The following ERBB4 variants were observed in gnomAD, a reference collection of about 807,000 sequenced individuals.
ERBB4 encodes the protein receptor tyrosine-protein kinase erbB-4.
ERBB4 carries 42 observed loss-of-function variants against 158.0 expected under a neutral mutation model. That is an observed-to-expected ratio of 0.27 (90% confidence interval 0.21 to 0.34). The LOEUF is 0.34. Among genes scored for constraint, ERBB4 ranks in the 10% least tolerant of loss-of-function variants. The probability of loss-of-function intolerance (pLI) is 1.00; values close to 1 mark genes in which losing one functional copy is unlikely to be tolerated. For missense variants in ERBB4, 1,333 were observed against 1,624.1 expected (o/e 0.82, Z 3.08); for synonymous variants, 583 against 558.7 (o/e 1.04, Z -0.61).
intron 2 of ERBB4, among the ~76,000 whole-genome samples, chr2:211,968,150 A>C (rs1270918959): frequency 1.3e-5 from 2 of 152,034 alleles, no homozygotes; most frequent in East Asian, 3.9e-4. Context: ...TTTTCCCTTC[A>C]AACTGAACAT....
At chr2:212,430,449 T>C (rs930311787) in intron 1 of ERBB4, among the ~76,000 whole-genome samples, 1 of 151,922 alleles carries the variant, frequency 6.6e-6, no homozygotes, top group Non-Finnish European at 1.5e-5. Context: ...TTTTTTTTTT[T>C]CTTTTCTTTT....
At chr2:211,561,737 C>G in intron 20 of ERBB4, 166 bp downstream of exon 20, 1 of 670,672 alleles carries the variant, frequency 1.5e-6, no homozygotes, top group South Asian at 1.7e-5. Flanking sequence ...CGCATTTAAT[C>G]TGTAGTTTAC....
intron 2 of ERBB4, among the ~76,000 whole-genome samples, chr2:212,106,334 G>T (rs983125347): frequency 6.6e-6 from 1 of 152,184 alleles, no homozygotes; most frequent in South Asian, 2.1e-4. Flanking sequence ...GGTAACTCTT[G>T]TTATGTTTTA....
At chr2:212,141,892 G>C (rs759001917) in intron 1 of ERBB4, among the ~76,000 whole-genome samples, 82 of 152,100 alleles carry the variant, frequency 5.4e-4, no homozygotes, top group African/African-American at 1.9e-3. Context: ...CTATAAATCA[G>C]ATCACTAATC....
intron 12 of ERBB4, among the ~76,000 whole-genome samples, chr2:211,683,944 T>C (rs2072458963): frequency 6.6e-6 from 1 of 152,140 alleles, no homozygotes; most frequent in African/African-American, 2.4e-5. Context: ...AAATGGCTAA[T>C]AATGTCAAAC....
At chr2:211,613,078 T>G (rs2125835833) in intron 19 of ERBB4, among the ~76,000 whole-genome samples, 1 of 152,058 alleles carries the variant, frequency 6.6e-6, no homozygotes, top group East Asian at 1.9e-4. Context: ...CATGTGGCAA[T>G]ATTAAGGATG....
At chr2:212,186,397 A>G (rs2082017855) in intron 1 of ERBB4, among the ~76,000 whole-genome samples, 1 of 152,224 alleles carries the variant, frequency 6.6e-6, no homozygotes, top group Non-Finnish European at 1.5e-5. Context: ...TCTCAGTTAA[A>G]TCAGTCTAAC....
intron 5 of ERBB4, among the ~76,000 whole-genome samples, chr2:211,732,738 C>G (rs533668784): frequency 6.6e-5 from 10 of 152,144 alleles, no homozygotes; most frequent in Non-Finnish European, 1.3e-4. Context: ...GCAGGCAAAT[C>G]ACGAGGTCAC....
intron 7 of ERBB4, among the ~76,000 whole-genome samples, chr2:211,720,861 T>C (rs1223304674): frequency 6.6e-6 from 1 of 152,238 alleles, no homozygotes; most frequent in Non-Finnish European, 1.5e-5. Flanking sequence ...CTTGACTTTC[T>C]AAGCTACACA....
At position 211,946,738 on chromosome 2, in the gene ERBB4, C is replaced by T. The variant is rs141183754; in HGVS notation, c.421+692G>A. Reference sequence around the variant, plus strand: ...ATTCATTATACCAAAAAGCCTCCCACAGAACTTTCATGCACCCTGAGCTAT... The same window carrying T: ...ATTCATTATACCAAAAAGCCTCCCATAGAACTTTCATGCACCCTGAGCTAT... On this transcript the variant is annotated intron_variant, in intron 3 of 27. Transcript: ENST00000342788. Among the ~76,000 whole-genome samples, 1,370 of 151,836 alleles carry T rather than the reference C, an allele frequency of 9.0e-3. 6 individuals carry two copies. Among genetic ancestry groups the T allele is most frequent in the Middle Eastern group, 0.031 (9 of 294 alleles).
chr2:211,473,851 T>C (rs553753855), intron 20 of ERBB4, among the ~76,000 whole-genome samples: 3 of 152,154 alleles, frequency 2.0e-5, no homozygotes, highest in South Asian at 2.1e-4. Context: ...TAAGATGGTA[T>C]ATAAATACCA....
intron 2 of ERBB4, among the ~76,000 whole-genome samples, chr2:212,021,278 C>A (rs1329656472): frequency 6.6e-6 from 1 of 152,048 alleles, no homozygotes; most frequent in Non-Finnish European, 1.5e-5. Flanking sequence ...ATTCCAATGG[C>A]ACTCAAAAGT....
intron 1 of ERBB4, among the ~76,000 whole-genome samples, chr2:212,439,408 C>T (rs754019544): frequency 2.3e-4 from 35 of 152,024 alleles, no homozygotes; most frequent in Non-Finnish European, 4.4e-4. Context: ...ACAAATTCAG[C>T]TATGACAAAT....
At chr2:212,002,599 CAACA>C (rs1180968643) in intron 2 of ERBB4, among the ~76,000 whole-genome samples, 1 of 151,956 alleles carries the variant, frequency 6.6e-6, no homozygotes, top group African/African-American at 2.4e-5. Flanking sequence ...ATAATACAGG[CAACA>C]AACAAACAGT....
intron 1 of ERBB4, among the ~76,000 whole-genome samples, chr2:212,142,261 G>C (rs2080505385): frequency 6.6e-6 from 1 of 151,986 alleles, no homozygotes; most frequent in Non-Finnish European, 1.5e-5. Context: ...AGCCCTATGA[G>C]GGCAGGAACT....
intron 3 of ERBB4, among the ~76,000 whole-genome samples, chr2:211,888,300 T>C (rs1203726891): frequency 2.6e-5 from 4 of 152,068 alleles, no homozygotes; most frequent in Non-Finnish European, 5.9e-5. Flanking sequence ...TTAGTGAAAA[T>C]ATGGTACATT....
chr2:212,376,762 T>C (rs1397331768), intron 1 of ERBB4, among the ~76,000 whole-genome samples: 1 of 152,054 alleles, frequency 6.6e-6, no homozygotes, highest in East Asian at 1.9e-4. Context: ...ATGTCTGGTA[T>C]CATCATTTAC....
chr2:211,502,317 T>C (rs2065637329), intron 20 of ERBB4, among the ~76,000 whole-genome samples: 2 of 152,184 alleles, frequency 1.3e-5, no homozygotes, highest in African/African-American at 4.8e-5. Context: ...ATTCTTGACA[T>C]TTTATATACT....
At chr2:211,976,983 A>C (rs2081626668) in intron 2 of ERBB4, among the ~76,000 whole-genome samples, 1 of 152,224 alleles carries the variant, frequency 6.6e-6, no homozygotes, top group African/African-American at 2.4e-5. Flanking sequence ...TATACATATA[A>C]AAATGTTAAT....
Sources: gnomAD v4.1 joint callset for allele counts (sites outside exome capture counted in the v4.1 genomes callset) on GRCh38, gnomAD v4.1.1 for gene constraint, MANE v1.5 for transcripts, NCBI Gene and HGNC (gene_info 2026-07-23, HGNC 2026-07-21) for gene names.